TAF3: variants seen among roughly 807,000 people sequenced by gnomAD.
The protein encoded by TAF3 is transcription initiation factor TFIID subunit 3.
Under a neutral mutation model 80.6 loss-of-function variants are expected in TAF3, and 7 were observed. That is an observed-to-expected ratio of 0.09 (90% confidence interval 0.05 to 0.16). The LOEUF (loss-of-function observed/expected upper bound fraction) is 0.16. Ranked by LOEUF, TAF3 falls within the 10% of genes least tolerant of loss-of-function variation. The pLI, the probability that TAF3 is intolerant of heterozygous loss-of-function variation, is 1.00. For missense variants in TAF3, 921 were observed against 1,140.2 expected, an observed-to-expected ratio of 0.81 and a Z score of 2.77; for synonymous variants, 444 against 446.1, an observed-to-expected ratio of 1.00 and a Z score of 0.06.
intron 2 of TAF3, among the ~76,000 whole-genome samples, chr10:7,924,003 G>A (rs766835923): frequency 2.0e-5 from 3 of 152,194 alleles, no homozygotes; most frequent in African/African-American, 4.8e-5. Flanking sequence ...CAAAATTTCA[G>A]ACAGTTGAAG....
At chr10:7,937,450 TC>T (rs1459539687) in intron 2 of TAF3, among the ~76,000 whole-genome samples, 3 of 152,242 alleles carry the variant, frequency 2.0e-5, no homozygotes, top group Non-Finnish European at 2.9e-5. Context: ...GAACATCTTT[TC>T]ATCTTTTCCT....
chr10:7,865,835 C>G (rs988548247), intron 2 of TAF3, among the ~76,000 whole-genome samples: 2 of 152,206 alleles, frequency 1.3e-5, no homozygotes, highest in African/African-American at 2.4e-5. Flanking sequence ...TATCCATTTC[C>G]TTCCTTTCTG....
At chr10:7,880,985 C>T (rs1258340716) in intron 2 of TAF3, among the ~76,000 whole-genome samples, 1 of 152,144 alleles carries the variant, frequency 6.6e-6, no homozygotes, top group Non-Finnish European at 1.5e-5. Context: ...CCTGTAATCC[C>T]AGCACTTTGG....
chr10:7,938,840 T>A (rs957779785), intron 2 of TAF3, among the ~76,000 whole-genome samples: 6 of 152,246 alleles, frequency 3.9e-5, no homozygotes, highest in African/African-American at 1.4e-4. Context: ...ACAGTGGAGT[T>A]AAATCCTGAG....
At chr10:7,846,441 T>G (rs1836973830) in intron 2 of TAF3, among the ~76,000 whole-genome samples, 1 of 152,190 alleles carries the variant, frequency 6.6e-6, no homozygotes, top group African/African-American at 2.4e-5. Context: ...GTACCAACAT[T>G]TAACATAATT....
intron 2 of TAF3, among the ~76,000 whole-genome samples, chr10:7,943,435 G>C (rs576261830): frequency 2.8e-4 from 43 of 152,266 alleles, no homozygotes; most frequent in Middle Eastern, 6.8e-3. Context: ...AGGTGTACAA[G>C]ATACACTTGC....
chr10:7,933,835 A>C (rs1403315049), intron 2 of TAF3, among the ~76,000 whole-genome samples: 1 of 152,208 alleles, frequency 6.6e-6, no homozygotes, highest in African/African-American at 2.4e-5. Context: ...GGCTATTATA[A>C]TATTGGAGAA....
At chr10:7,822,425 G>A (rs149163336) in intron 1 of TAF3, among the ~76,000 whole-genome samples, 153 of 151,972 alleles carry the variant, frequency 1.0e-3, no homozygotes, top group Non-Finnish European at 1.7e-3. Flanking sequence ...TCAGTAAGAA[G>A]AAGAGTATTC....
intron 2 of TAF3, among the ~76,000 whole-genome samples, chr10:7,910,628 AC>A (rs759240858): frequency 2.0e-5 from 3 of 151,874 alleles, no homozygotes; most frequent in Non-Finnish European, 4.4e-5. Flanking sequence ...TGATCCACCC[AC>A]CTCGGCCTCC....
intron 2 of TAF3, among the ~76,000 whole-genome samples, chr10:7,947,950 ATGACGTTCACAATTC>A (rs896294785): frequency 2.6e-5 from 4 of 152,240 alleles, no homozygotes; most frequent in Admixed American, 2.0e-4. Context: ...CAGACAGGAA[ATGACGTTCACAATTC>A]TATGTTGACG....
chr10:7,935,963 C>T lies in TAF3; in HGVS notation c.410-27957C>T, dbSNP rs556640462. On this transcript the variant is annotated intron_variant, in intron 2 of 6. Transcript: ENST00000344293. ...GTGGAGGAGTAGAGCACTCTCGAGT[C>T]TCATTTGGGCTGCCGATTGTAGGGG... Among the ~76,000 whole-genome samples the T allele has an allele frequency of 1.2e-3, 177 of 152,236 alleles. 1 individual carries two copies. Among genetic ancestry groups the T allele is most frequent in the Non-Finnish European group, 2.2e-3 (148 of 68,010 alleles).
intron 2 of TAF3, among the ~76,000 whole-genome samples, chr10:7,898,669 T>C (rs1258274647): frequency 6.6e-6 from 1 of 152,142 alleles, no homozygotes; most frequent in Non-Finnish European, 1.5e-5. Context: ...AGCACTGGGT[T>C]CTTATAAAAC....
At chr10:7,996,633 G>A (rs113710166) in intron 4 of TAF3, among the ~76,000 whole-genome samples, 4,426 of 151,020 alleles carry the variant, frequency 0.029, 235 homozygotes, top group African/African-American at 0.1. Flanking sequence ...TTTTGTATTT[G>A]TTGTGAGGGG....
chr10:7,915,453 G>A (rs1295933622), intron 2 of TAF3, among the ~76,000 whole-genome samples: 2 of 146,260 alleles, frequency 1.4e-5, no homozygotes, highest in African/African-American at 5.0e-5. Context: ...GACCATCCTG[G>A]CTAACACGGT....
chr10:7,837,502 G>A (rs983806612), intron 2 of TAF3, among the ~76,000 whole-genome samples: 22 of 152,256 alleles, frequency 1.4e-4, no homozygotes, highest in African/African-American at 5.3e-4. Context: ...AATTAGCTGG[G>A]CGTGGTGGTG....
intron 2 of TAF3, among the ~76,000 whole-genome samples, chr10:7,886,176 G>A (rs1837407541): frequency 6.6e-6 from 1 of 152,112 alleles, no homozygotes; most frequent in African/African-American, 2.4e-5. Context: ...TGATCCTCCT[G>A]CTTTGGCCTC....
At chr10:7,914,144 T>A (rs984133570) in intron 2 of TAF3, among the ~76,000 whole-genome samples, 1 of 152,202 alleles carries the variant, frequency 6.6e-6, no homozygotes, top group East Asian at 1.9e-4. Context: ...GGTACTAAGA[T>A]TGTCATTAAT....
chr10:7,972,305 G>A (rs959528588), intron 3 of TAF3, among the ~76,000 whole-genome samples: 2 of 152,152 alleles, frequency 1.3e-5, no homozygotes, highest in Admixed American at 1.3e-4. Flanking sequence ...TTTTAATTTC[G>A]AAATTGTACT....
chr10:8,009,079 G>T lies in TAF3; in HGVS notation c.2317G>T (p.Val773Phe). The T allele has an allele frequency of 6.2e-7, 1 of 1,601,052 alleles. No homozygotes were observed. The highest frequency in any genetic ancestry group is 8.5e-7 in the Non-Finnish European group (1 of 1,174,526). ...TACCTTCTCTTCTTTTGTTGACAGT[G>T]TCATCAGCAAGGTGGTCCCTGCCCC... ...LRVGAGQDKI[V>F]ISKVVPAPEA... The change falls in exon 5 of 7, where the codon GTC becomes TTC. Residue 773 changes from valine to phenylalanine, a missense_variant and splice_region_variant. Transcript: ENST00000344293. The surrounding 1 kb of genome is among the most constrained non-coding windows in gnomAD (Gnocchi z 4.1).
Sources: gnomAD v4.1 joint callset for allele counts (sites outside exome capture counted in the v4.1 genomes callset) on GRCh38, gnomAD v4.1.1 for gene constraint, Gnocchi (gnomAD v3.1) non-coding constraint, MANE v1.5 for transcripts, NCBI Gene and HGNC (gene_info 2026-07-23, HGNC 2026-07-21) for gene names.